The following PDE5A variants were observed in gnomAD, a reference collection of about 807,000 sequenced individuals.
The protein encoded by PDE5A is phosphodiesterase 5A, also known as cGMP-specific 3',5'-cyclic phosphodiesterase.
A neutral mutation model predicts 110.2 loss-of-function variants in PDE5A; 67 were observed. The ratio of observed to expected loss-of-function variants is 0.61; its 90% CI spans 0.50 to 0.75. The LOEUF (loss-of-function observed/expected upper bound fraction) is 0.75. Ranked by LOEUF, PDE5A falls within the 30% of genes least tolerant of loss-of-function variation. The pLI is 0.00. For synonymous variants in PDE5A, 328 were observed against 351.2 expected (o/e 0.93, Z 0.74); for missense variants, 862 against 1,045.1 (o/e 0.82, Z 2.42).
intron 11 of PDE5A, among the ~76,000 whole-genome samples, chr4:119,533,817 TTA>T (rs1465713420): frequency 6.6e-6 from 1 of 152,144 alleles, no homozygotes; most frequent in East Asian, 1.9e-4. Flanking sequence ...AAGAAAACTT[TTA>T]GAGTAAATTT....
chr4:119,584,103 A>T (rs1728676901), intron 3 of PDE5A, among the ~76,000 whole-genome samples: 1 of 152,174 alleles, frequency 6.6e-6, no homozygotes, highest in Non-Finnish European at 1.5e-5. Context: ...CCCAAGAAGT[A>T]AAAGGGTAAC....
At chr4:119,559,299 T>C (rs1727660500) in intron 7 of PDE5A, among the ~76,000 whole-genome samples, 1 of 152,170 alleles carries the variant, frequency 6.6e-6, no homozygotes, top group Non-Finnish European at 1.5e-5. Context: ...TTAGAGGGCC[T>C]GGCTGAATTT....
intron 14 of PDE5A, among the ~76,000 whole-genome samples, chr4:119,514,593 A>T (rs1725850887): frequency 6.6e-6 from 1 of 151,576 alleles, no homozygotes; most frequent in Non-Finnish European, 1.5e-5. Context: ...CCTTGACACT[A>T]CTGATTATCT....
chr4:119,609,004 C>CAAAA, intron 1 of PDE5A, among the ~76,000 whole-genome samples: 1 of 151,336 alleles, frequency 6.6e-6, no homozygotes, highest in South Asian at 2.1e-4. Flanking sequence ...ACTAAAAATA[C>CAAAA]AAAAAAAATT....
chr4:119,564,819 T>C (rs1039641322), intron 5 of PDE5A, among the ~76,000 whole-genome samples: 1 of 152,110 alleles, frequency 6.6e-6, no homozygotes, highest in African/African-American at 2.4e-5. Flanking sequence ...ATCATGGTTG[T>C]AGAACAGTAT....
At chr4:119,609,599 C>T (rs1470997270) in intron 1 of PDE5A, among the ~76,000 whole-genome samples, 1 of 151,832 alleles carries the variant, frequency 6.6e-6, no homozygotes, top group Non-Finnish European at 1.5e-5. Flanking sequence ...AGAATGTAAT[C>T]GGTCAAAATG....
chr4:119,505,953 T>A (rs200904262), intron 16 of PDE5A, 21 bp from the exon 17 acceptor site: 16 of 1,420,322 alleles, frequency 1.1e-5, no homozygotes, highest in South Asian at 6.3e-5. Context: ...TAAAAAAAAA[T>A]TGTTAGTTAT....
intron 1 of PDE5A, among the ~76,000 whole-genome samples, chr4:119,612,953 T>A (rs886605854): frequency 1.3e-5 from 2 of 152,172 alleles, no homozygotes; most frequent in African/African-American, 4.8e-5. Flanking sequence ...AAAGACCAGT[T>A]AACAATTGAA....
chr4:119,499,030 T>C (rs1383935340), intron 20 of PDE5A, among the ~76,000 whole-genome samples: 2 of 152,172 alleles, frequency 1.3e-5, no homozygotes, highest in Non-Finnish European at 2.9e-5. Flanking sequence ...AAAAAAGACA[T>C]TTTGTTTCTA....
chr4:119,602,467 C>A (rs1302828300), intron 2 of PDE5A, among the ~76,000 whole-genome samples: 2 of 152,054 alleles, frequency 1.3e-5, no homozygotes, highest in East Asian at 3.9e-4. Flanking sequence ...GATGACTTGA[C>A]AAATTATAAG....
intron 1 of PDE5A, among the ~76,000 whole-genome samples, chr4:119,617,367 G>GACAC (rs149229368): frequency 6.6e-6 from 1 of 150,790 alleles, no homozygotes; most frequent in Non-Finnish European, 1.5e-5. Flanking sequence ...TAGCTAAAGG[G>GACAC]ACACACACAC....
At position 119,538,874 on chromosome 4, in the gene PDE5A, T is replaced by G; in HGVS notation, c.1632+86A>C. ...GAAAGCAGAGTTAATTAAACATTTTTATAAGTATCCATCTAAATATTTACC... is the reference window on the plus strand; with the variant it reads ...GAAAGCAGAGTTAATTAAACATTTTGATAAGTATCCATCTAAATATTTACC... On this transcript the variant is annotated intron_variant, in intron 11 of 20. Coordinates refer to ENST00000354960, the MANE Select transcript of PDE5A (RefSeq NM_001083.4). 3.1e-6 allele frequency: 3 copies of G among 960,134 alleles called. No homozygotes were observed. The South Asian group carries it at 3.9e-5, about 12-fold the overall frequency. The allele number at this position is 960,134 out of a possible 1,614,324, so 59.5% of individuals were successfully genotyped here.
Position 119,525,264 on chromosome 4 carries a change from C to T in PDE5A, c.1779+285G>A, listed in dbSNP as rs1166382663. Among the ~76,000 whole-genome samples, 2 of 152,022 alleles carry T rather than the reference C, an allele frequency of 1.3e-5. No individual in the cohort carries two copies. Among genetic ancestry groups the T allele is most frequent in the East Asian group, 3.9e-4 (2 of 5,166 alleles). On this transcript the variant is annotated intron_variant, in intron 12 of 20. Transcript: ENST00000354960. This position sits in a 1 kb window ranked among gnomAD's most constrained non-coding sequence, Gnocchi z 4.3. The stretch of plus-strand genomic sequence containing the variant: ...CCCTCAACAGTACTCCTGGCCCTCA[C>T]CCCCAATCTCTGCTGTCATGCCTTT...
At chr4:119,535,757 C>A (rs1726705483) in intron 11 of PDE5A, among the ~76,000 whole-genome samples, 2 of 152,136 alleles carry the variant, frequency 1.3e-5, no homozygotes, top group African/African-American at 4.8e-5. Context: ...TTCCTATCCA[C>A]TAATTACTTT....
At position 119,496,152 on chromosome 4, in the gene PDE5A, T is replaced by C. The variant is rs201802456; in HGVS notation, c.*2449A>G. ...GTTAGTAAAATAGTGGGGACTTTTC[T>C]GGCTAAAAATTGTAATTAAATGGTA... On this transcript the variant is annotated 3_prime_UTR_variant, in exon 21 of 21. Transcript: ENST00000354960. 3.3e-5 allele frequency: 5 copies of C among 152,140 alleles called. No homozygotes were observed. Among genetic ancestry groups the C allele is most frequent in the African/African-American group, 4.8e-5 (2 of 41,430 alleles). The allele number at this position is 152,140 out of a possible 1,614,324, so 9.4% of individuals were successfully genotyped here.
chr4:119,571,674 G>A (rs1728143720), intron 3 of PDE5A, among the ~76,000 whole-genome samples: 1 of 152,148 alleles, frequency 6.6e-6, no homozygotes, highest in African/African-American at 2.4e-5. Flanking sequence ...TAAATTTCTG[G>A]TAGTTTTTTT....
At chr4:119,568,237 T>G (rs1728015504) in intron 3 of PDE5A, among the ~76,000 whole-genome samples, 1 of 152,094 alleles carries the variant, frequency 6.6e-6, no homozygotes, top group Non-Finnish European at 1.5e-5. Flanking sequence ...TTAGAGCAAC[T>G]CTCTCTTATT....
intron 11 of PDE5A, among the ~76,000 whole-genome samples, chr4:119,536,339 A>G (rs1726722060): frequency 6.6e-6 from 1 of 152,106 alleles, no homozygotes; most frequent in Non-Finnish European, 1.5e-5. Context: ...TGTAACCCTC[A>G]CCTTCATTTT....
At position 119,598,389 on chromosome 4, in the gene PDE5A, G is replaced by A. The variant is rs571252181; in HGVS notation, c.742-1777C>T. ...TTCCAAACTCCTGACATCTCAAGGAGTTCTCCTTTAACAATGTACTCAGTG... is the reference window on the plus strand; with the variant it reads ...TTCCAAACTCCTGACATCTCAAGGAATTCTCCTTTAACAATGTACTCAGTG... On this transcript the variant is annotated intron_variant, in intron 2 of 20. Coordinates refer to ENST00000354960, the MANE Select transcript of PDE5A (RefSeq NM_001083.4). Among the ~76,000 whole-genome samples the A allele has an allele frequency of 5.9e-5, 9 of 152,272 alleles. No individual in the cohort carries two copies. In the South Asian group the frequency reaches 1.9e-3, roughly 32 times the overall value.
Sources: gnomAD v4.1 joint callset for allele counts (sites outside exome capture counted in the v4.1 genomes callset) on GRCh38, gnomAD v4.1.1 for gene constraint, Gnocchi (gnomAD v3.1) non-coding constraint, MANE v1.5 for transcripts, NCBI Gene and HGNC (gene_info 2026-07-23, HGNC 2026-07-21) for gene names.